Variants in CNTLN observed in about 807,000 individuals in gnomAD.
CNTLN encodes the protein centlein, centrosomal protein.
In CNTLN, 212 loss-of-function variants were observed where a neutral mutation model predicts 180.0. The observed-to-expected ratio is 1.18, with a 90% CI of 1.05 to 1.32. The LOEUF (loss-of-function observed/expected upper bound fraction) is 1.32. CNTLN is among the 40% of genes most tolerant of loss of function. CNTLN has a pLI of 0.00. For synonymous variants in CNTLN, 722 were observed against 563.1 expected (o/e 1.28, Z -3.99); for missense variants, 2,095 against 1,610.9 (o/e 1.30, Z -5.14).
chr9:17,284,129 C>T (rs1434630511), intron 6 of CNTLN, among the ~76,000 whole-genome samples: 1 of 152,164 alleles, frequency 6.6e-6, no homozygotes, highest in African/African-American at 2.4e-5. Context: ...TCAAGCACTT[C>T]TCCTGCCTCA....
At chr9:17,359,958 A>AT in intron 12 of CNTLN, among the ~76,000 whole-genome samples, 1 of 152,062 alleles carries the variant, frequency 6.6e-6, no homozygotes, top group Non-Finnish European at 1.5e-5. Context: ...ACTAATGGCC[A>AT]ATAAGCACAT....
intron 2 of CNTLN, among the ~76,000 whole-genome samples, chr9:17,180,487 A>G (rs763117259): frequency 1.3e-5 from 2 of 151,378 alleles, no homozygotes; most frequent in South Asian, 2.1e-4. Context: ...TATATAATAT[A>G]GTTGCCATGA....
intron 25 of CNTLN, among the ~76,000 whole-genome samples, 160 bp from the exon 26 acceptor site, chr9:17,502,391 A>C (rs1479326669): frequency 6.6e-6 from 1 of 152,190 alleles, no homozygotes; most frequent in Non-Finnish European, 1.5e-5. Flanking sequence ...AAAATTACCC[A>C]CACTAACCAG....
intron 5 of CNTLN, among the ~76,000 whole-genome samples, chr9:17,267,134 T>G (rs1012705178): frequency 6.6e-6 from 1 of 152,054 alleles, no homozygotes; most frequent in African/African-American, 2.4e-5. Flanking sequence ...TTCCTATCCT[T>G]GATGGTCTTT....
the CNTLN span, among the ~76,000 whole-genome samples, chr9:17,515,608 A>C: frequency 6.6e-6 from 1 of 152,224 alleles, no homozygotes; most frequent in South Asian, 2.1e-4. Context: ...GTTAGGCCAA[A>C]AAATCTTAGC....
chr9:17,355,532 C>T (rs1822766822), intron 12 of CNTLN, among the ~76,000 whole-genome samples: 1 of 152,040 alleles, frequency 6.6e-6, no homozygotes, highest in African/African-American at 2.4e-5. Flanking sequence ...GAGATTTATC[C>T]TCATGTTTTT....
At chr9:17,301,093 T>C in intron 7 of CNTLN, 1 of 985,388 alleles carries the variant, frequency 1.0e-6, no homozygotes, top group South Asian at 4.7e-5. Context: ...TCCTTGATGG[T>C]GTCATACCAG....
At chr9:17,210,032 A>G (rs1277237502) in intron 2 of CNTLN, among the ~76,000 whole-genome samples, 2 of 152,170 alleles carry the variant, frequency 1.3e-5, no homozygotes, top group Non-Finnish European at 2.9e-5. Flanking sequence ...ACTTAACTCT[A>G]ACATTTGGAC....
intron 6 of CNTLN, among the ~76,000 whole-genome samples, chr9:17,285,177 C>T (rs1828907048): frequency 7.5e-6 from 1 of 133,004 alleles, no homozygotes; most frequent in African/African-American, 2.8e-5. Context: ...ACCACAGTCC[C>T]CAGAGTGTGA....
chr9:17,214,031 A>G (rs1177621401), intron 2 of CNTLN, among the ~76,000 whole-genome samples: 1 of 152,118 alleles, frequency 6.6e-6, no homozygotes, highest in Non-Finnish European at 1.5e-5. Flanking sequence ...GTGTCTTTTA[A>G]TTGGAGCATT....
chr9:17,329,556 G>A (rs540388552), intron 8 of CNTLN, among the ~76,000 whole-genome samples: 10 of 151,968 alleles, frequency 6.6e-5, no homozygotes, highest in African/African-American at 2.4e-4. Context: ...AACAAATGAG[G>A]TGATTTAAAT....
intron 18 of CNTLN, chr9:17,447,573 G>C (rs575918604): frequency 1.3e-5 from 2 of 153,462 alleles, no homozygotes; most frequent in African/African-American, 4.8e-5. Context: ...ATCACCATGG[G>C]TGCCAACATC....
chr9:17,195,830 C>A (rs1361991559), intron 2 of CNTLN, among the ~76,000 whole-genome samples: 1 of 152,004 alleles, frequency 6.6e-6, no homozygotes, highest in Non-Finnish European at 1.5e-5. Context: ...ATTTGTGGTA[C>A]TTATTAAATT....
At chr9:17,206,792 G>A (rs1015493212) in intron 2 of CNTLN, among the ~76,000 whole-genome samples, 9 of 152,222 alleles carry the variant, frequency 5.9e-5, no homozygotes, top group Admixed American at 4.6e-4. Flanking sequence ...TTGTTTCGGA[G>A]AAATCTCTGT....
chr9:17,511,066 A>G, the CNTLN span, among the ~76,000 whole-genome samples: 49,001 of 151,984 alleles, frequency 0.32, 8,871 homozygotes, highest in East Asian at 0.57. Context: ...AACTATTCTA[A>G]TGGGTATGTA....
At chr9:17,399,500 C>A (rs1826801430) in intron 15 of CNTLN, among the ~76,000 whole-genome samples, 1 of 152,196 alleles carries the variant, frequency 6.6e-6, no homozygotes, top group Non-Finnish European at 1.5e-5. Context: ...TTACAAGAAA[C>A]TGATGCTCTT....
At chr9:17,381,117 A>G (rs578167115) in intron 13 of CNTLN, among the ~76,000 whole-genome samples, 23 of 152,342 alleles carry the variant, frequency 1.5e-4, no homozygotes, top group Admixed American at 1.2e-3. Flanking sequence ...CCCAGAGTCT[A>G]CTAGGCCTTG....
At chr9:17,265,805 C>T (rs202195230) in intron 5 of CNTLN, among the ~76,000 whole-genome samples, 1 of 152,194 alleles carries the variant, frequency 6.6e-6, no homozygotes, top group South Asian at 2.1e-4. Context: ...ATTTCTTCTA[C>T]ATTTTCTGGT....
chr9:17,188,051 AT>A (rs1821548428), intron 2 of CNTLN, among the ~76,000 whole-genome samples: 2 of 150,638 alleles, frequency 1.3e-5, no homozygotes, highest in African/African-American at 2.4e-5. Context: ...ATTTATGTAT[AT>A]ATATAAATTG....
Sources: gnomAD v4.1 joint callset for allele counts (sites outside exome capture counted in the v4.1 genomes callset) on GRCh38, gnomAD v4.1.1 for gene constraint, MANE v1.5 for transcripts, NCBI Gene and HGNC (gene_info 2026-07-23, HGNC 2026-07-21) for gene names.